The following MTMR8 variants were observed in gnomAD, a reference collection of about 807,000 sequenced individuals.
MTMR8 encodes the protein myotubularin related protein 8, also known as phosphatidylinositol-3,5-bisphosphate 3-phosphatase MTMR8.
In MTMR8, 65 loss-of-function variants were observed where a neutral mutation model predicts 39.3. The observed-to-expected ratio is 1.65, with a 90% CI of 1.35 to 2.03. The LOEUF (loss-of-function observed/expected upper bound fraction) is 2.03, where lower values mean the gene tolerates loss of function less well. Among genes scored for constraint, MTMR8 ranks in the 30% most tolerant of loss-of-function variants. The pLI, the probability that MTMR8 is intolerant of heterozygous loss-of-function variation, is 0.00. For synonymous variants in MTMR8, 245 were observed against 185.2 expected (o/e 1.32, Z -2.62); for missense variants, 777 against 538.9 (o/e 1.44, Z -4.37).
chrX:64,369,477 A>C (rs1323773857), intron 1 of MTMR8, among the ~76,000 whole-genome samples: 1 of 111,335 alleles, frequency 9.0e-6, no homozygotes, highest in Non-Finnish European at 1.9e-5. Context: ...ACATGGATGA[A>C]GCTGGAAACC....
At chrX:64,348,830 T>C (rs1267568211) in intron 5 of MTMR8, 36 bp from the exon 6 acceptor site, 1 of 1,202,799 alleles carries the variant, frequency 8.3e-7, no homozygotes, top group Admixed American at 2.2e-5. Flanking sequence ...AGTGATTATA[T>C]TCACAAATGG....
At chrX:64,331,805 G>T in intron 10 of MTMR8, 48 bp from the exon 11 acceptor site, 1 of 1,058,808 alleles carries the variant, frequency 9.4e-7, no homozygotes, top group Non-Finnish European at 1.3e-6. Context: ...TAGCATTAAG[G>T]ATTACACTGT....
At position 64,337,256 on chromosome X, in the gene MTMR8, G is replaced by T. The variant is rs764160082; in HGVS notation, c.1101+12C>A. 1 of 1,202,117 alleles carries T rather than the reference G, an allele frequency of 8.3e-7. No individual in the cohort carries two copies. Among genetic ancestry groups the T allele is most frequent in the South Asian group, 1.8e-5 (1 of 55,176 alleles). ...CTTACACAAAGTAAAATATAGTAGC[G>T]TGCTCTCTTACCATGAGTCCTTTGA... On this transcript the variant is annotated intron_variant, in intron 9 of 13. Coordinates refer to ENST00000374852, the MANE Select transcript of MTMR8 (RefSeq NM_017677.4).
intron 12 of MTMR8, among the ~76,000 whole-genome samples, chrX:64,302,111 G>C (rs1004409058): frequency 8.9e-6 from 1 of 112,870 alleles, no homozygotes. Flanking sequence ...GAGCTTTCTG[G>C]CTGCTTTGTT....
In MTMR8 at chrX:64,296,236, C is replaced by T. The variant is rs150298524; in HGVS notation, c.1482-25163G>A. Among the ~76,000 whole-genome samples, 1,085 of 111,342 alleles carry T rather than the reference C, an allele frequency of 9.7e-3. 15 individuals are homozygous for T. The highest frequency in any genetic ancestry group is 0.032 in the African/African-American group (970 of 30,692). ...TACAAAAACAAATATTCTATGACTT[C>T]ACTTACATGAGCTACCTAGAATAGG... is the stretch of plus-strand genomic sequence containing the variant. On this transcript the variant is annotated intron_variant, in intron 12 of 13. Transcript: ENST00000374852.
At chrX:64,312,514 A>G (rs1922343193) in intron 12 of MTMR8, among the ~76,000 whole-genome samples, 1 of 112,400 alleles carries the variant, frequency 8.9e-6, no homozygotes, top group Non-Finnish European at 1.9e-5. Context: ...AGGATATTCA[A>G]TTAGGAAAAG....
intron 12 of MTMR8, among the ~76,000 whole-genome samples, chrX:64,310,034 C>T (rs368066008): frequency 9.0e-6 from 1 of 110,657 alleles, no homozygotes; most frequent in Non-Finnish European, 1.9e-5. Flanking sequence ...TGTGCCACAT[C>T]GATGTACTCA....
chrX:64,291,831 A>G (rs1003765601), intron 12 of MTMR8, among the ~76,000 whole-genome samples: 8 of 111,765 alleles, frequency 7.2e-5, no homozygotes, highest in Admixed American at 1.9e-4. Context: ...ATGAGCCTGG[A>G]CAAGTGGTAG....
At chrX:64,384,485 CT>C (rs1268928781) in intron 1 of MTMR8, among the ~76,000 whole-genome samples, 1 of 112,152 alleles carries the variant, frequency 8.9e-6, no homozygotes, top group Admixed American at 9.4e-5. Context: ...GGCTCTGCCC[CT>C]GTAGCAGGCT....
chrX:64,391,452 G>C (rs1163456978), intron 1 of MTMR8, among the ~76,000 whole-genome samples: 1 of 111,972 alleles, frequency 8.9e-6, no homozygotes, highest in Non-Finnish European at 1.9e-5. Context: ...CTCCCTGCCT[G>C]TCAGGCTGCT....
chrX:64,374,552 A>T (rs1370293969), intron 1 of MTMR8, among the ~76,000 whole-genome samples: 1 of 111,746 alleles, frequency 8.9e-6, no homozygotes, highest in African/African-American at 3.3e-5. Flanking sequence ...AGGAAGTACC[A>T]TCAGTATTTA....
chrX:64,295,216 A>T (rs1200009088), intron 12 of MTMR8, among the ~76,000 whole-genome samples: 1 of 109,499 alleles, frequency 9.1e-6, no homozygotes, highest in Non-Finnish European at 1.9e-5. Context: ...GCACCTGAAT[A>T]AAACTTAAAA....
At chrX:64,323,914 C>A (rs1455676318) in intron 12 of MTMR8, among the ~76,000 whole-genome samples, 1 of 112,266 alleles carries the variant, frequency 8.9e-6, no homozygotes, top group African/African-American at 3.2e-5. Flanking sequence ...ACAGCTAATG[C>A]AGTTCTAAAA....
At chrX:64,361,496 G>T (rs1373629629) in intron 1 of MTMR8, among the ~76,000 whole-genome samples, 1 of 111,305 alleles carries the variant, frequency 9.0e-6, no homozygotes, top group African/African-American at 3.3e-5. Context: ...TTGATCAAGT[G>T]CAGTTTATCA....
At chrX:64,277,236 C>T (rs1414488377) in intron 12 of MTMR8, among the ~76,000 whole-genome samples, 1 of 111,759 alleles carries the variant, frequency 8.9e-6, no homozygotes, top group Non-Finnish European at 1.9e-5. Flanking sequence ...GGCATTTAGC[C>T]CATTTACATT....
intron 1 of MTMR8, among the ~76,000 whole-genome samples, chrX:64,378,331 C>T (rs1313836340): frequency 9.0e-6 from 1 of 111,683 alleles, no homozygotes; most frequent in East Asian, 2.8e-4. Flanking sequence ...AGTGATTCTC[C>T]CATCTCAACC....
intron 12 of MTMR8, among the ~76,000 whole-genome samples, chrX:64,286,808 T>G (rs760198228): frequency 9.0e-6 from 1 of 111,567 alleles, no homozygotes; most frequent in Admixed American, 9.5e-5. Context: ...TGATGGGATA[T>G]ATCTCAAAAT....
intron 12 of MTMR8, among the ~76,000 whole-genome samples, chrX:64,296,408 C>T (rs967789586): frequency 1.8e-5 from 2 of 110,248 alleles, no homozygotes; most frequent in Non-Finnish European, 3.8e-5. Context: ...AGATGCACAA[C>T]TTCTGATTGC....
rs542352547 is a variant in MTMR8 at position 64,327,658 on chromosome X, A to G, written c.1481+1114T>C. Reference sequence around the variant, plus strand: ...TAAAAAGAGAACTGCCCTATGATCTATCTGGCAATCCCATTACTGGGTATA... The same window carrying G: ...TAAAAAGAGAACTGCCCTATGATCTGTCTGGCAATCCCATTACTGGGTATA... On this transcript the variant is annotated intron_variant, in intron 12 of 13. Transcript: ENST00000374852. Among the ~76,000 whole-genome samples, 7 of 112,573 alleles carry G rather than the reference A, an allele frequency of 6.2e-5. No homozygotes were observed. The South Asian group carries it at 2.6e-3, about 41-fold the overall frequency.
Sources: allele counts gnomAD v4.1 joint callset (sites outside exome capture counted in the v4.1 genomes callset), GRCh38; gene constraint gnomAD v4.1.1; transcripts MANE v1.5; gene names NCBI Gene and HGNC (gene_info 2026-07-23, HGNC 2026-07-21).